Variants in RNF150 observed in about 807,000 individuals in gnomAD.
RNF150 encodes the protein ring finger protein 150.
In RNF150, 24 loss-of-function variants were observed where a neutral mutation model predicts 39.3. That is an observed-to-expected ratio of 0.61 (90% CI 0.44 to 0.86). RNF150 has a LOEUF of 0.86. Ranked by LOEUF, RNF150 falls within the 40% of genes least tolerant of loss-of-function variation. The probability of loss-of-function intolerance (pLI) is 0.00; values close to 1 mark genes in which losing one functional copy is unlikely to be tolerated. For synonymous variants in RNF150, 255 were observed against 227.3 expected (o/e 1.12, Z -1.10); for missense variants, 502 against 587.8 (o/e 0.85, Z 1.51).
chr4:140,973,365 A>C lies in RNF150; in HGVS notation c.485-5492T>G, dbSNP rs145963860. On this transcript the variant is annotated intron_variant, in intron 1 of 6. Coordinates refer to ENST00000515673, the MANE Select transcript of RNF150 (RefSeq NM_020724.2). ...TATGAGAGAACTCAGTTATATTTGT[A>C]ATACATGTACATTTTCAATCTGAGG... Among the ~76,000 whole-genome samples, 215 of 152,258 alleles carry C rather than the reference A, an allele frequency of 1.4e-3. 2 individuals carry two copies. The highest frequency in any genetic ancestry group is 4.9e-3 in the African/African-American group (203 of 41,560).
chr4:140,989,585 T>C (rs765981155), intron 1 of RNF150, among the ~76,000 whole-genome samples: 5 of 152,194 alleles, frequency 3.3e-5, no homozygotes, highest in Non-Finnish European at 5.9e-5. Context: ...ATGATGACCT[T>C]ACAAACTGAT....
chr4:141,027,462 C>T (rs1735745089), intron 1 of RNF150, among the ~76,000 whole-genome samples: 1 of 152,178 alleles, frequency 6.6e-6, no homozygotes. Context: ...CTTGTTCTTC[C>T]TCTGCCAAGC....
intron 1 of RNF150, among the ~76,000 whole-genome samples, chr4:141,021,274 C>T (rs1026909285): frequency 3.9e-5 from 6 of 152,164 alleles, no homozygotes; most frequent in East Asian, 1.9e-4. Context: ...AATGCAAAGA[C>T]GATCATAGAA....
intron 6 of RNF150, among the ~76,000 whole-genome samples, chr4:140,875,816 CTTAA>C (rs1438168950): frequency 4.6e-5 from 7 of 152,042 alleles, no homozygotes; most frequent in Non-Finnish European, 1.0e-4. Flanking sequence ...TGCTTTCCTA[CTTAA>C]TTGTTTCTTT....
At chr4:140,992,371 C>T (rs1266776194) in intron 1 of RNF150, among the ~76,000 whole-genome samples, 6 of 150,874 alleles carry the variant, frequency 4.0e-5, no homozygotes, top group Non-Finnish European at 8.9e-5. Flanking sequence ...CCCATCTCTA[C>T]AAAATAACAA....
At chr4:140,912,939 T>C (rs1350905136) in intron 5 of RNF150, among the ~76,000 whole-genome samples, 2 of 144,008 alleles carry the variant, frequency 1.4e-5, no homozygotes, top group African/African-American at 5.2e-5. Context: ...TATTTCAGTC[T>C]GCACTCTCTC....
intron 1 of RNF150, among the ~76,000 whole-genome samples, chr4:141,201,685 C>A (rs761277978): frequency 6.6e-6 from 1 of 152,116 alleles, no homozygotes; most frequent in East Asian, 1.9e-4. Context: ...CTCCACTTCA[C>A]CAAGAAGTTT....
intron 6 of RNF150, among the ~76,000 whole-genome samples, chr4:140,899,090 G>GTT (rs747042489): frequency 6.6e-6 from 1 of 151,648 alleles, no homozygotes; most frequent in Non-Finnish European, 1.5e-5. Context: ...TTTACTAATG[G>GTT]TTTTTTTTTA....
chr4:140,871,645 A>G (rs1326855036), intron 6 of RNF150, among the ~76,000 whole-genome samples: 1 of 152,228 alleles, frequency 6.6e-6, no homozygotes, highest in Non-Finnish European at 1.5e-5. Flanking sequence ...CCAGCCAAAA[A>G]AAAAATAGCA....
At chr4:141,203,960 G>T (rs1269355686) in intron 1 of RNF150, among the ~76,000 whole-genome samples, 2 of 152,088 alleles carry the variant, frequency 1.3e-5, no homozygotes, top group Admixed American at 6.6e-5. Flanking sequence ...CAGAAGGTCA[G>T]GTGAGAGCAG....
rs1202170671 is a variant in RNF150 at position 140,864,913 on chromosome 4, A to G, written c.*3348T>C. 1 of 152,198 alleles carries G rather than the reference A, an allele frequency of 6.6e-6. No individual in the cohort carries two copies. Among genetic ancestry groups the G allele is most frequent in the African/African-American group, 2.4e-5 (1 of 41,456 alleles). 9.4% of individuals were successfully genotyped at this position (152,198 alleles called of 1,614,324 possible). Reference sequence around the variant, plus strand: ...CAGAAATTTTAAAAAGGGTGCCTGAATCTTTATTCACTACAAAATAAATGG... The same window carrying G: ...CAGAAATTTTAAAAAGGGTGCCTGAGTCTTTATTCACTACAAAATAAATGG... On this transcript the variant is annotated 3_prime_UTR_variant, in exon 7 of 7. Transcript: ENST00000515673.
At chr4:141,081,527 A>G (rs1373226529) in intron 1 of RNF150, among the ~76,000 whole-genome samples, 1 of 152,248 alleles carries the variant, frequency 6.6e-6, no homozygotes, top group Non-Finnish European at 1.5e-5. Context: ...TACATTTACA[A>G]AATTTCCCTA....
At chr4:141,079,801 C>A (rs967703282) in intron 1 of RNF150, among the ~76,000 whole-genome samples, 11 of 152,330 alleles carry the variant, frequency 7.2e-5, no homozygotes, top group Admixed American at 3.9e-4. Flanking sequence ...TGTCCTAACA[C>A]TGTGTGGTAG....
At chr4:140,897,342 G>A (rs1280966833) in intron 6 of RNF150, among the ~76,000 whole-genome samples, 2 of 152,144 alleles carry the variant, frequency 1.3e-5, no homozygotes, top group East Asian at 1.9e-4. Flanking sequence ...CTGGGCATAC[G>A]TTTTGAAACT....
At chr4:140,924,862 T>C (rs1211001391) in intron 5 of RNF150, among the ~76,000 whole-genome samples, 1 of 152,204 alleles carries the variant, frequency 6.6e-6, no homozygotes, top group Non-Finnish European at 1.5e-5. Flanking sequence ...ACAGCAGGCA[T>C]GGAGGCAGCT....
intron 4 of RNF150, among the ~76,000 whole-genome samples, chr4:140,942,451 T>G (rs1377597520): frequency 6.6e-6 from 1 of 151,932 alleles, no homozygotes; most frequent in African/African-American, 2.4e-5. Context: ...GGATAGGTGT[T>G]GTTAGGTATT....
intron 1 of RNF150, among the ~76,000 whole-genome samples, chr4:140,997,688 C>CTGTGAGTGTATATATACACACACATATA (rs1734426730): frequency 7.3e-6 from 1 of 137,054 alleles, no homozygotes; most frequent in Non-Finnish European, 1.6e-5. Flanking sequence ...GCACTCCAGC[C>CTGTGAGTGTATATATACACACACATATA]TGTGTGTGTA....
chr4:141,075,333 T>TCAGG (rs1353531416), intron 1 of RNF150, among the ~76,000 whole-genome samples: 2 of 62,974 alleles, frequency 3.2e-5, no homozygotes, highest in Non-Finnish European at 6.0e-5. Flanking sequence ...GATTTGGTCC[T>TCAGG]CAGGCAGGTC....
chr4:141,016,202 A>G (rs2110767370), intron 1 of RNF150, among the ~76,000 whole-genome samples: 1 of 152,174 alleles, frequency 6.6e-6, no homozygotes, highest in South Asian at 2.1e-4. Context: ...TCCTGCTCTC[A>G]CCATTGAAAA....
Sources: gnomAD v4.1 joint callset for allele counts (sites outside exome capture counted in the v4.1 genomes callset) on GRCh38, gnomAD v4.1.1 for gene constraint, MANE v1.5 for transcripts, NCBI Gene and HGNC (gene_info 2026-07-23, HGNC 2026-07-21) for gene names.